Variants in CLCN4 observed in about 807,000 individuals in gnomAD.
The protein encoded by CLCN4 is Cl-/H+ antiporter 4.
A neutral mutation model predicts 41.7 loss-of-function variants in CLCN4; 1 was observed. The observed-to-expected ratio is 0.02, with a 90% CI of 0.01 to 0.11. The LOEUF (loss-of-function observed/expected upper bound fraction) is 0.11, where lower values mean the gene tolerates loss of function less well. Among genes scored for constraint, CLCN4 ranks in the 10% least tolerant of loss-of-function variants. The pLI is 1.00. For synonymous variants in CLCN4, 277 were observed against 285.8 expected (o/e 0.97, Z 0.31); for missense variants, 287 against 661.0 (o/e 0.43, Z 6.20).
chrX:10,178,167 G>A (rs1221469454), intron 2 of CLCN4, among the ~76,000 whole-genome samples: 3 of 104,826 alleles, frequency 2.9e-5, no homozygotes, highest in Non-Finnish European at 5.9e-5. Context: ...AATGGGTAGG[G>A]GGTCATTTTT....
chrX:10,219,094 C>A (rs755031434), intron 11 of CLCN4, among the ~76,000 whole-genome samples: 3 of 112,715 alleles, frequency 2.7e-5, no homozygotes, highest in Non-Finnish European at 5.6e-5. Flanking sequence ...AGAATCAGGG[C>A]TTCTAACCCA....
At chrX:10,215,054 C>CT (rs1924669386) in intron 11 of CLCN4, among the ~76,000 whole-genome samples, 1 of 112,038 alleles carries the variant, frequency 8.9e-6, no homozygotes, top group Admixed American at 9.4e-5. Context: ...GTGATCTGTA[C>CT]AACATTCCAG....
intron 6 of CLCN4, among the ~76,000 whole-genome samples, chrX:10,198,615 G>C (rs17321315): frequency 1.5e-4 from 17 of 111,424 alleles, no homozygotes; most frequent in Non-Finnish European, 3.2e-4. Flanking sequence ...TACTGTGAAC[G>C]TACCCCCGTG....
chrX:10,163,316 C>T (rs1923156528), intron 2 of CLCN4, among the ~76,000 whole-genome samples: 1 of 112,194 alleles, frequency 8.9e-6, no homozygotes, highest in African/African-American at 3.2e-5. Context: ...GGTAACAAGA[C>T]CTTTGTTTAA....
In CLCN4 at chrX:10,236,580, CTCTG is replaced by C. The variant is rs1925258470; in HGVS notation, c.*3000_*3003del. On this transcript the variant is annotated 3_prime_UTR_variant, in exon 13 of 13. Coordinates refer to ENST00000380833, the MANE Select transcript of CLCN4 (RefSeq NM_001830.4). ...ACCCCATGGGGAACATGCTGCCATG[CTCTG>C]TCTTTCTTGTAAACGTAGTTGGGTA... The C allele has an allele frequency of 9.0e-6, 1 of 111,709 alleles. No individual in the cohort carries two copies. Among genetic ancestry groups the C allele is most frequent in the South Asian group, 3.7e-4 (1 of 2,682 alleles). The allele number at this position is 111,709 out of a possible 1,213,427, so 9.2% of individuals were successfully genotyped here. A position where few individuals can be genotyped will look rare whatever the true frequency, so the allele number is the denominator to read the frequency against.
At chrX:10,196,409 G>T (rs1474000573) in intron 5 of CLCN4, among the ~76,000 whole-genome samples, 2 of 111,656 alleles carry the variant, frequency 1.8e-5, no homozygotes, top group African/African-American at 3.3e-5. Flanking sequence ...GTTATTAAAG[G>T]ATCAGAAAGC....
Position 10,233,525 on chromosome X carries a change from G to A in CLCN4, c.2224G>A (p.Val742Ile). 8.3e-7 allele frequency: 1 copy of A among 1,209,910 alleles called. No individual in the cohort carries two copies. Among genetic ancestry groups the A allele is most frequent in the Admixed American group, 2.2e-5 (1 of 46,033 alleles). ...RLLGIITKKD[V>I]LRHMAQMANQ... ...TCTTGGCATCATCACAAAAAAGGATGTTCTGAGACATATGGCCCAGATGGC... is the reference window on the plus strand; with the variant it reads ...TCTTGGCATCATCACAAAAAAGGATATTCTGAGACATATGGCCCAGATGGC... The change falls in exon 13 of 13, where the codon GTT (valine) becomes ATT (isoleucine). Residue 742 changes from valine (V) to isoleucine (I), a missense_variant. Val to Ile is a conservative substitution (Grantham distance 29). This residue lies in a region of CLCN4 where 14 missense variants were observed against 50.0 expected (regional missense o/e 0.28). Coordinates refer to ENST00000380833, the MANE Select transcript of CLCN4 (RefSeq NM_001830.4).
At position 10,234,187 on chromosome X, in the gene CLCN4, C is replaced by T. The variant is rs745897438; in HGVS notation, c.*603C>T. ...CTCCTGTTCTCAGCCTGTTATCTGG[C>T]TTATCCATCAGTTTCTGAACCAACA... On this transcript the variant is annotated 3_prime_UTR_variant, in exon 13 of 13. Coordinates refer to ENST00000380833, the MANE Select transcript of CLCN4 (RefSeq NM_001830.4). 1 of 112,783 alleles carries T rather than the reference C, an allele frequency of 8.9e-6. No individual in the cohort carries two copies. Among genetic ancestry groups the T allele is most frequent in the South Asian group, 3.7e-4 (1 of 2,711 alleles). The allele number at this position is 112,783 out of a possible 1,213,427, so 9.3% of individuals were successfully genotyped here.
chrX:10,186,018 C>A (rs984764843), intron 3 of CLCN4, among the ~76,000 whole-genome samples: 1 of 110,960 alleles, frequency 9.0e-6, no homozygotes, highest in African/African-American at 3.3e-5. Context: ...TATTTTGAGG[C>A]GCCACGGACG....
intron 12 of CLCN4, among the ~76,000 whole-genome samples, chrX:10,232,305 A>T (rs1263676934): frequency 8.9e-6 from 1 of 112,597 alleles, no homozygotes; most frequent in Non-Finnish European, 1.9e-5. Flanking sequence ...TACTGCTTAG[A>T]ATACTTACAT....
At chrX:10,211,703 A>G (rs932018544) in intron 9 of CLCN4, among the ~76,000 whole-genome samples, 3 of 111,856 alleles carry the variant, frequency 2.7e-5, no homozygotes, top group African/African-American at 9.8e-5. Context: ...GTCACGTGTC[A>G]TTTCAGCGAA....
chrX:10,219,375 G>A (rs922548647), intron 11 of CLCN4, among the ~76,000 whole-genome samples: 3 of 112,208 alleles, frequency 2.7e-5, no homozygotes, highest in African/African-American at 9.7e-5. Context: ...GCCTTAGTGG[G>A]TAAGGACAGA....
intron 2 of CLCN4, among the ~76,000 whole-genome samples, chrX:10,176,500 A>C (rs1375465465): frequency 8.9e-6 from 1 of 112,144 alleles, no homozygotes; most frequent in Non-Finnish European, 1.9e-5. Flanking sequence ...AACATTTGCA[A>C]ACTCCTATCA....
chrX:10,160,939 G>A (rs187856015), intron 2 of CLCN4, among the ~76,000 whole-genome samples: 1,214 of 110,847 alleles, frequency 0.011, 8 homozygotes, highest in Non-Finnish European at 0.015. Flanking sequence ...TCTGCAGGCT[G>A]GGAAACTCCC....
intron 6 of CLCN4, among the ~76,000 whole-genome samples, chrX:10,199,957 C>T (rs981099661): frequency 1.9e-4 from 21 of 111,035 alleles, no homozygotes; most frequent in Non-Finnish European, 3.8e-4. Context: ...TAAGTAGAGA[C>T]GGGGTTTCAC....
Position 10,182,480 on chromosome X carries a change from C to T in CLCN4, c.-11-2542C>T, listed in dbSNP as rs980917994. On this transcript the variant is annotated intron_variant, in intron 2 of 12. Coordinates refer to ENST00000380833, the MANE Select transcript of CLCN4 (RefSeq NM_001830.4). Reference sequence around the variant, plus strand: ...TCGCTCTGTCGCGCATGCTGGAGTGCGGTGGCGCAATCTTGGCTCACTGCA... The same window carrying T: ...TCGCTCTGTCGCGCATGCTGGAGTGTGGTGGCGCAATCTTGGCTCACTGCA... Among the ~76,000 whole-genome samples, 5 of 112,489 alleles carry T rather than the reference C, an allele frequency of 4.4e-5. No homozygotes were observed. In the East Asian group the frequency reaches 8.4e-4, roughly 19 times the overall value.
chrX:10,168,129 AT>A (rs1923295177), intron 2 of CLCN4, among the ~76,000 whole-genome samples: 1 of 112,052 alleles, frequency 8.9e-6, no homozygotes, highest in Non-Finnish European at 1.9e-5. Flanking sequence ...GGATATATAG[AT>A]TTTTAGTAAA....
chrX:10,209,331 C>CTTCCCTT (rs1361100895), intron 9 of CLCN4, among the ~76,000 whole-genome samples: 1 of 91,198 alleles, frequency 1.1e-5, no homozygotes, highest in Non-Finnish European at 2.1e-5. Flanking sequence ...CTCCCCTTCC[C>CTTCCCTT]TTCCCTTTTC....
chrX:10,208,802 C>T (rs2147179972), intron 9 of CLCN4, among the ~76,000 whole-genome samples: 1 of 112,078 alleles, frequency 8.9e-6, no homozygotes, highest in South Asian at 3.7e-4. Flanking sequence ...TCCCATTTTA[C>T]AACTGAGGAA....
Sources: gnomAD v4.1 joint callset for allele counts (sites outside exome capture counted in the v4.1 genomes callset) on GRCh38, gnomAD v4.1.1 for gene constraint, gnomAD v4.1.1 regional missense constraint, MANE v1.5 for transcripts, NCBI Gene and HGNC (gene_info 2026-07-23, HGNC 2026-07-21) for gene names.